Variants in MAP2 observed in about 807,000 individuals in gnomAD.
MAP2 encodes microtubule-associated protein 2.
MAP2 carries 14 observed loss-of-function variants against 137.6 expected under a neutral mutation model. The observed-to-expected ratio is 0.10, with a 90% CI of 0.07 to 0.16. The LOEUF (loss-of-function observed/expected upper bound fraction) is 0.16. Ranked by LOEUF, MAP2 falls within the 10% of genes least tolerant of loss-of-function variation. The pLI, the probability that MAP2 is intolerant of heterozygous loss-of-function variation, is 1.00. For synonymous variants in MAP2, 786 were observed against 782.3 expected (o/e 1.00, Z -0.08); for missense variants, 2,088 against 2,191.5 (o/e 0.95, Z 0.94).
At chr2:209,710,385 G>GT (rs2065017248) in intron 13 of MAP2, 131 bp downstream of exon 13, 1 of 784,980 alleles carries the variant, frequency 1.3e-6, no homozygotes, top group South Asian at 1.9e-5. Flanking sequence ...ATTGCTAAGA[G>GT]TTTGGACTTT....
At chr2:209,464,114 G>T (rs1244389687) in intron 1 of MAP2, among the ~76,000 whole-genome samples, 1 of 152,070 alleles carries the variant, frequency 6.6e-6, no homozygotes, top group Non-Finnish European at 1.5e-5. Context: ...TCTGTCTACA[G>T]TAACAAGTCC....
rs2059761197 is a variant in MAP2 at position 209,496,393 on chromosome 2, A to T, written c.-221-11199A>T. Among the ~76,000 whole-genome samples the T allele has an allele frequency of 2.0e-5, 3 of 152,298 alleles. 1 individual carries two copies. The South Asian group carries it at 6.2e-4, about 32-fold the overall frequency. On this transcript the variant is annotated intron_variant, in intron 1 of 15. Transcript: ENST00000682079. Reference sequence around the variant, plus strand: ...CAAGGCAAAGTGTGATTAAATATACAATAATATGAGCTGTCTAGACAACTT... The same window carrying T: ...CAAGGCAAAGTGTGATTAAATATACTATAATATGAGCTGTCTAGACAACTT...
intron 3 of MAP2, among the ~76,000 whole-genome samples, chr2:209,616,673 G>C (rs958834530): frequency 6.7e-6 from 1 of 149,956 alleles, no homozygotes; most frequent in African/African-American, 2.5e-5. Flanking sequence ...CCAAACAAGG[G>C]GTGTAGTGTA....
intron 5 of MAP2, among the ~76,000 whole-genome samples, chr2:209,659,409 T>C (rs1026379155): frequency 2.1e-4 from 32 of 152,160 alleles, no homozygotes; most frequent in African/African-American, 7.5e-4. Context: ...CAGTAGATAA[T>C]ATGACTACTA....
chr2:209,486,259 TACTC>T (rs2058362137), intron 1 of MAP2, among the ~76,000 whole-genome samples: 2 of 152,110 alleles, frequency 1.3e-5, no homozygotes, highest in South Asian at 4.2e-4. Flanking sequence ...AATGGAGTCT[TACTC>T]TGTCACCAGG....
intron 2 of MAP2, among the ~76,000 whole-genome samples, chr2:209,532,352 T>C (rs778221422): frequency 6.6e-6 from 1 of 152,134 alleles, no homozygotes; most frequent in African/African-American, 2.4e-5. Context: ...CTCTTCTTCA[T>C]CATCCTCATT....
intron 1 of MAP2, among the ~76,000 whole-genome samples, chr2:209,430,461 A>G (rs902677286): frequency 5.3e-5 from 8 of 152,054 alleles, no homozygotes; most frequent in African/African-American, 1.9e-4. Context: ...ATTATTATGC[A>G]ATCAGTTGAT....
intron 1 of MAP2, among the ~76,000 whole-genome samples, chr2:209,489,758 G>T (rs1240788192): frequency 6.6e-6 from 1 of 152,072 alleles, no homozygotes; most frequent in Non-Finnish European, 1.5e-5. Context: ...TAATAAAAAA[G>T]AATGAACAAA....
chr2:209,568,204 A>G (rs75777382), intron 2 of MAP2, among the ~76,000 whole-genome samples: 2,992 of 152,066 alleles, frequency 0.02, 94 homozygotes, highest in African/African-American at 0.068. Context: ...ATTCCTGGTG[A>G]CCATCACCCT....
At chr2:209,587,437 C>T (rs2078052518) in intron 3 of MAP2, among the ~76,000 whole-genome samples, 1 of 152,134 alleles carries the variant, frequency 6.6e-6, no homozygotes, top group Admixed American at 6.6e-5. Context: ...CAACCTGCAT[C>T]CCTCTGAGGG....
intron 1 of MAP2, among the ~76,000 whole-genome samples, chr2:209,455,872 A>G (rs1448364540): frequency 2.0e-5 from 3 of 152,104 alleles, no homozygotes; most frequent in Non-Finnish European, 4.4e-5. Context: ...CTAGCATTCT[A>G]CTACTACTAC....
At chr2:209,721,434 G>A (rs1260534315) in intron 13 of MAP2, among the ~76,000 whole-genome samples, 1 of 152,164 alleles carries the variant, frequency 6.6e-6, no homozygotes, top group Non-Finnish European at 1.5e-5. Context: ...AGATATAGGT[G>A]GAGAAAGTCT....
At chr2:209,725,994 C>T (rs1348863520) in intron 14 of MAP2, among the ~76,000 whole-genome samples, 2 of 152,104 alleles carry the variant, frequency 1.3e-5, no homozygotes, top group Non-Finnish European at 2.9e-5. Context: ...ATGAAGAGGA[C>T]ACATTTTAAT....
intron 2 of MAP2, among the ~76,000 whole-genome samples, chr2:209,529,847 C>A (rs576797832): frequency 6.6e-6 from 1 of 152,104 alleles, no homozygotes; most frequent in Non-Finnish European, 1.5e-5. Context: ...CTGCTGAAGT[C>A]ATTTGTTATA....
chr2:209,621,957 A>C (rs981539121), intron 3 of MAP2, among the ~76,000 whole-genome samples: 2 of 152,216 alleles, frequency 1.3e-5, no homozygotes, highest in African/African-American at 4.8e-5. Context: ...GTTCCTCATT[A>C]AATGATTTAC....
chr2:209,717,870 A>G (rs1303237982), intron 13 of MAP2, among the ~76,000 whole-genome samples: 1 of 152,060 alleles, frequency 6.6e-6, no homozygotes, highest in East Asian at 1.9e-4. Flanking sequence ...TCTTCCCCTT[A>G]TTTAATTTTA....
At chr2:209,457,407 G>T (rs932241363) in intron 1 of MAP2, among the ~76,000 whole-genome samples, 1 of 152,186 alleles carries the variant, frequency 6.6e-6, no homozygotes, top group African/African-American at 2.4e-5. Context: ...ATGCACAAGT[G>T]CATCCTACGT....
At chr2:209,691,102 T>C (rs896952777) in intron 7 of MAP2, among the ~76,000 whole-genome samples, 1 of 152,176 alleles carries the variant, frequency 6.6e-6, no homozygotes, top group Non-Finnish European at 1.5e-5. Flanking sequence ...AGGCTGATGA[T>C]GCTATGTGAG....
At chr2:209,574,432 T>TACACACACACACACACACACACAC (rs57166815) in intron 2 of MAP2, among the ~76,000 whole-genome samples, 53 of 148,786 alleles carry the variant, frequency 3.6e-4, no homozygotes, top group African/African-American at 1.3e-3. Context: ...ATAGTATAGA[T>TACACACACACACACACACACACAC]ACACACACAC....
Sources: gnomAD v4.1 joint callset for allele counts (sites outside exome capture counted in the v4.1 genomes callset) on GRCh38, gnomAD v4.1.1 for gene constraint, MANE v1.5 for transcripts, NCBI Gene and HGNC (gene_info 2026-07-23, HGNC 2026-07-21) for gene names.